OPCML: variants seen among roughly 807,000 people sequenced by gnomAD.
OPCML encodes opioid-binding protein/cell adhesion molecule.
OPCML carries 13 observed loss-of-function variants against 37.8 expected under a neutral mutation model. That is an observed-to-expected ratio of 0.34 (90% CI 0.22 to 0.55). The LOEUF (loss-of-function observed/expected upper bound fraction) is 0.55. Ranked by LOEUF, OPCML falls within the 20% of genes least tolerant of loss-of-function variation. The pLI, the probability that OPCML is intolerant of heterozygous loss-of-function variation, is 0.91. For missense variants in OPCML, 341 were observed against 435.6 expected (o/e 0.78, Z 1.93); for synonymous variants, 176 against 168.8 (o/e 1.04, Z -0.33).
intron 1 of OPCML, among the ~76,000 whole-genome samples, chr11:132,991,745 A>G (rs1946781178): frequency 6.6e-6 from 1 of 152,140 alleles, no homozygotes; most frequent in Admixed American, 6.5e-5. Flanking sequence ...CAGTGCCTTC[A>G]TTTGCTGGGT....
chr11:132,847,053 T>C (rs766118044), intron 2 of OPCML, among the ~76,000 whole-genome samples: 17 of 152,152 alleles, frequency 1.1e-4, no homozygotes, highest in Non-Finnish European at 1.8e-4. Flanking sequence ...TAATGGGCAA[T>C]AGATAATATG....
chr11:133,140,859 A>AGAC (rs1555102486), intron 1 of OPCML, among the ~76,000 whole-genome samples: 919 of 33,506 alleles, frequency 0.027, 304 homozygotes, highest in African/African-American at 0.055. Flanking sequence ...ACGACGAAGA[A>AGAC]GACGACGACG....
chr11:133,522,554 C>T (rs1948415671), intron 1 of OPCML, among the ~76,000 whole-genome samples: 1 of 152,124 alleles, frequency 6.6e-6, no homozygotes, highest in African/African-American at 2.4e-5. Flanking sequence ...CCACAATGTT[C>T]TTTGTACACT....
intron 3 of OPCML, among the ~76,000 whole-genome samples, chr11:132,556,295 G>A (rs942366756): frequency 1.3e-5 from 2 of 152,194 alleles, no homozygotes; most frequent in Non-Finnish European, 2.9e-5. Flanking sequence ...ATTCTAAGAT[G>A]AACTTAAGAT....
At chr11:133,501,032 C>T (rs1332382673) in intron 1 of OPCML, among the ~76,000 whole-genome samples, 5 of 152,054 alleles carry the variant, frequency 3.3e-5, no homozygotes, top group Non-Finnish European at 7.4e-5. Flanking sequence ...AAAACAAAAA[C>T]CTGTGGCAGC....
At chr11:132,482,217 AT>A (rs2096183124) in intron 4 of OPCML, among the ~76,000 whole-genome samples, 1 of 152,180 alleles carries the variant, frequency 6.6e-6, no homozygotes, top group South Asian at 2.1e-4. Context: ...AATAGACGCA[AT>A]AAAAAATGAT....
chr11:133,041,980 T>C (rs1019783678), intron 1 of OPCML, among the ~76,000 whole-genome samples: 1 of 152,114 alleles, frequency 6.6e-6, no homozygotes, highest in African/African-American at 2.4e-5. Flanking sequence ...TCCAGTCCTG[T>C]TGGCAAACGA....
At chr11:132,516,492 A>G (rs1043322770) in intron 4 of OPCML, among the ~76,000 whole-genome samples, 1 of 152,072 alleles carries the variant, frequency 6.6e-6, no homozygotes, top group Non-Finnish European at 1.5e-5. Flanking sequence ...TCACTTTTTG[A>G]TCGCCTGCAA....
intron 1 of OPCML, chr11:133,025,382 C>G (rs1947532398): frequency 3.0e-6 from 3 of 985,132 alleles, no homozygotes; most frequent in Middle Eastern, 5.2e-4. Flanking sequence ...TGGCTTGAAA[C>G]CAGTACTAGC....
At chr11:133,024,567 A>G (rs1279564598) in intron 1 of OPCML, 5 of 985,262 alleles carry the variant, frequency 5.1e-6, no homozygotes, top group Non-Finnish European at 6.0e-6. Context: ...TACAACAAAG[A>G]ACTACACAGG....
At chr11:132,819,156 G>A (rs553763750) in intron 2 of OPCML, among the ~76,000 whole-genome samples, 39 of 151,890 alleles carry the variant, frequency 2.6e-4, no homozygotes, top group African/African-American at 9.2e-4. Flanking sequence ...AGGAATAGGA[G>A]GGATCTCTAG....
intron 2 of OPCML, among the ~76,000 whole-genome samples, chr11:132,810,128 C>T (rs941846207): frequency 1.1e-4 from 16 of 152,182 alleles, no homozygotes; most frequent in Non-Finnish European, 1.9e-4. Context: ...GGATTAGAGG[C>T]GTGAGCCACC....
intron 3 of OPCML, among the ~76,000 whole-genome samples, chr11:132,552,763 C>CTTTTTTTTTTTTTTTGTTTTTTT (rs2096385060): frequency 1.1e-5 from 1 of 92,802 alleles, no homozygotes; most frequent in Non-Finnish European, 2.0e-5. Flanking sequence ...AAACACTACT[C>CTTTTTTTTTTTTTTTGTTTTTTT]TTTTTTTTTT....
chr11:133,139,753 A>G (rs2137156867), intron 1 of OPCML, among the ~76,000 whole-genome samples: 1 of 152,312 alleles, frequency 6.6e-6, no homozygotes, highest in East Asian at 1.9e-4. Context: ...TCCAGTAGGC[A>G]TATGACTCCA....
intron 2 of OPCML, among the ~76,000 whole-genome samples, chr11:132,782,843 A>G (rs938758532): frequency 1.3e-5 from 2 of 148,964 alleles, no homozygotes; most frequent in African/African-American, 4.9e-5. Context: ...CTCTATATAA[A>G]TATATCCACT....
intron 1 of OPCML, among the ~76,000 whole-genome samples, chr11:132,975,563 A>G (rs1946444781): frequency 1.1e-5 from 1 of 89,562 alleles, no homozygotes; most frequent in African/African-American, 3.8e-5. Flanking sequence ...AAAAAAAAAA[A>G]AAAAAAAAAA....
At chr11:132,625,040 C>T (rs1194972616) in intron 3 of OPCML, among the ~76,000 whole-genome samples, 1 of 152,050 alleles carries the variant, frequency 6.6e-6, no homozygotes, top group Admixed American at 6.6e-5. Context: ...TCTCTTGTTC[C>T]CCCCAAAATA....
intron 2 of OPCML, among the ~76,000 whole-genome samples, chr11:132,861,650 C>T (rs1225238026): frequency 3.3e-5 from 5 of 152,134 alleles, no homozygotes; most frequent in Admixed American, 2.6e-4. Flanking sequence ...TCCTGGCTAA[C>T]ACGGTGAAAC....
intron 3 of OPCML, among the ~76,000 whole-genome samples, chr11:132,612,821 T>TA (rs1938739712): frequency 6.6e-6 from 1 of 152,174 alleles, no homozygotes; most frequent in Non-Finnish European, 1.5e-5. Flanking sequence ...ATGGTTGGGC[T>TA]CTGCAGTCCG....
Sources: allele counts gnomAD v4.1 joint callset (sites outside exome capture counted in the v4.1 genomes callset), GRCh38; gene constraint gnomAD v4.1.1; transcripts MANE v1.5; gene names NCBI Gene and HGNC (gene_info 2026-07-23, HGNC 2026-07-21).